Variants in SH3D19 observed in about 807,000 individuals in gnomAD.
The protein encoded by SH3D19 is SH3 domain-containing protein 19.
SH3D19 carries 58 observed loss-of-function variants against 112.1 expected under a neutral mutation model. The ratio of observed to expected loss-of-function variants is 0.52; its 90% CI spans 0.42 to 0.64. The LOEUF (loss-of-function observed/expected upper bound fraction) is 0.64. Among genes scored for constraint, SH3D19 ranks in the 30% least tolerant of loss-of-function variants. The pLI is 0.00. For synonymous variants in SH3D19, 391 were observed against 448.5 expected (o/e 0.87, Z 1.62); for missense variants, 1,090 against 1,263.4 (o/e 0.86, Z 2.08).
At chr4:151,226,288 C>T (rs1768984939) in intron 1 of SH3D19, 4 of 1,217,960 alleles carry the variant, frequency 3.3e-6, no homozygotes, top group Non-Finnish European at 4.1e-6. Flanking sequence ...TAAAAGCTTA[C>T]GGTTTGTTAA....
chr4:151,294,984 G>A (rs550451922), intron 1 of SH3D19, among the ~76,000 whole-genome samples: 9 of 152,256 alleles, frequency 5.9e-5, no homozygotes, highest in Admixed American at 3.9e-4. Context: ...AGTAAACAGC[G>A]AGTACAAAGG....
At chr4:151,322,070 A>C (rs566339971) in intron 1 of SH3D19, among the ~76,000 whole-genome samples, 6 of 152,188 alleles carry the variant, frequency 3.9e-5, no homozygotes, top group Non-Finnish European at 8.8e-5. Flanking sequence ...CAGCACATGA[A>C]ACCCAAACAA....
rs550265005 is a variant in SH3D19 at position 151,176,894 on chromosome 4, T to C, written c.298A>G (p.Thr100Ala). The C allele has an allele frequency of 5.7e-6, 7 of 1,231,964 alleles. No homozygotes were observed. Among genetic ancestry groups the C allele is most frequent in the Non-Finnish European group, 7.1e-6 (7 of 987,962 alleles). The allele number at this position is 1,231,964 out of a possible 1,614,324, so 76.3% of individuals were successfully genotyped here. A position where few individuals can be genotyped will look rare whatever the true frequency, so the allele number is the denominator to read the frequency against. Residue 100 changes from threonine (T) to alanine (A), a missense_variant, in exon 5 of 20, where the codon ACC becomes GCC. Coordinates refer to ENST00000604030, the MANE Select transcript of SH3D19 (RefSeq NM_001378122.1). Reference protein sequence around the residue: ...PLRPASWFPGTPPPGLGFPTS... With the variant: ...PLRPASWFPGAPPPGLGFPTS... ...GGAAATCCCAGTCCTGGGGGTGGGG[T>C]TCCTGGAAACCACGAGGCTGGCCTC...
At chr4:151,282,554 TAAATA>T in intron 1 of SH3D19, 2 of 828,994 alleles carry the variant, frequency 2.4e-6, no homozygotes, top group South Asian at 2.1e-5. Context: ...TATAAGTTTT[TAAATA>T]AAATATCTTT....
At chr4:151,134,029 T>C (rs1424153387) in intron 15 of SH3D19, among the ~76,000 whole-genome samples, 1 of 152,238 alleles carries the variant, frequency 6.6e-6, no homozygotes, top group Non-Finnish European at 1.5e-5. Flanking sequence ...AGGTTGATTC[T>C]AGCTTTAATA....
chr4:151,216,426 T>A lies in SH3D19; in HGVS notation c.152+9621A>T, dbSNP rs573533051. ...AAGGATAGATTGAGGGCCACAAAGA[T>A]GTATACAAACTTCACTTGACTACAG... is the stretch of plus-strand genomic sequence containing the variant. On this transcript the variant is annotated intron_variant, in intron 2 of 19. Transcript: ENST00000604030. 2.6e-5 allele frequency among the ~76,000 whole-genome samples: 4 copies of A among 152,342 alleles called. No individual in the cohort carries two copies. The South Asian group carries it at 8.3e-4, about 32-fold the overall frequency.
intron 1 of SH3D19, among the ~76,000 whole-genome samples, chr4:151,299,563 A>G (rs574663118): frequency 1.4e-5 from 2 of 145,268 alleles, no homozygotes; most frequent in Admixed American, 7.1e-5. Flanking sequence ...CTGGGCAACA[A>G]GAGCGAAACT....
Position 151,148,026 on chromosome 4 carries a change from A to G in SH3D19, c.1978T>C (p.Leu660=). ...TTGGCTTTTGAGAGTCCAGTTGCCA[A>G]GTTACTTTGTTTTTTCTGAAGATCC... The part of the protein sequence containing the change: ...DMDLQKKQSN[L]ATGLSKAKSQ... The change falls in exon 11 of 20, where the codon TTG becomes CTG. Residue 660 remains leucine, a synonymous_variant. Coordinates refer to ENST00000604030, the MANE Select transcript of SH3D19 (RefSeq NM_001378122.1). The G allele has an allele frequency of 6.2e-7, 1 of 1,614,092 alleles. No homozygotes were observed. Among genetic ancestry groups the G allele is most frequent in the Non-Finnish European group, 8.5e-7 (1 of 1,180,018 alleles).
At chr4:151,295,767 GTGGCTTACGCC>G (rs1274266459) in intron 1 of SH3D19, among the ~76,000 whole-genome samples, 2 of 152,222 alleles carry the variant, frequency 1.3e-5, no homozygotes, top group South Asian at 2.1e-4. Context: ...GCCGGGTGCA[GTGGCTTACGCC>G]TATAATCCCA....
intron 1 of SH3D19, among the ~76,000 whole-genome samples, chr4:151,323,081 T>A (rs1244092353): frequency 6.6e-6 from 1 of 152,198 alleles, no homozygotes; most frequent in Non-Finnish European, 1.5e-5. Context: ...GAGTTTTTAC[T>A]TTATAATTTA....
At chr4:151,127,354 C>T (rs1288526037) in intron 19 of SH3D19, among the ~76,000 whole-genome samples, 1 of 152,132 alleles carries the variant, frequency 6.6e-6, no homozygotes, top group Non-Finnish European at 1.5e-5. Context: ...GACCTAAGAC[C>T]AAGGAACAGG....
intron 15 of SH3D19, 100 bp from the exon 16 acceptor site, chr4:151,133,336 C>A: frequency 2.0e-6 from 2 of 991,040 alleles, no homozygotes. Flanking sequence ...TCTGGGTTTA[C>A]CATGGAATAA....
At chr4:151,232,125 AG>A (rs1385011829) in intron 1 of SH3D19, among the ~76,000 whole-genome samples, 1 of 152,226 alleles carries the variant, frequency 6.6e-6, no homozygotes, top group Non-Finnish European at 1.5e-5. Context: ...CGGAGGTTGC[AG>A]TCAGCTGAGG....
At chr4:151,202,556 C>T (rs1764542156) in intron 2 of SH3D19, among the ~76,000 whole-genome samples, 1 of 152,102 alleles carries the variant, frequency 6.6e-6, no homozygotes, top group African/African-American at 2.4e-5. Flanking sequence ...ATCTATGTCA[C>T]CATAAGAATG....
intron 2 of SH3D19, among the ~76,000 whole-genome samples, chr4:151,208,698 G>T (rs1190680485): frequency 7.6e-6 from 1 of 130,766 alleles, no homozygotes; most frequent in Non-Finnish European, 1.6e-5. Flanking sequence ...TTTTTTTTGA[G>T]ATGGAGTCTT....
chr4:151,175,355 A>G lies in SH3D19; in HGVS notation c.849T>C (p.Ile283=). 1 of 1,607,666 alleles carries G rather than the reference A, an allele frequency of 6.2e-7. No homozygotes were observed. Among genetic ancestry groups the G allele is most frequent in the Middle Eastern group, 1.7e-4 (1 of 6,020 alleles). The part of the protein sequence containing the change: ...STSDSQAVMN[I]MNTEQSQNSI... ...TATTTTGGCTTTGTTCTGTGTTCAT[A>G]ATGTTCATCACTGCCTGACTGTCTG... The change falls in exon 7 of 20, where the codon ATT becomes ATC. Residue 283 remains isoleucine (I), a synonymous_variant. Transcript: ENST00000604030.
chr4:151,184,424 T>C (rs1761417346), intron 3 of SH3D19, among the ~76,000 whole-genome samples: 1 of 152,234 alleles, frequency 6.6e-6, no homozygotes, highest in Non-Finnish European at 1.5e-5. Flanking sequence ...TATGTTATCA[T>C]GAAAGGATCT....
At chr4:151,240,104 A>C (rs1287424120) in intron 1 of SH3D19, among the ~76,000 whole-genome samples, 1 of 54,452 alleles carries the variant, frequency 1.8e-5, no homozygotes, top group East Asian at 1.2e-3. Context: ...ATCGCTACCA[A>C]AAGAAATTTT....
intron 1 of SH3D19, among the ~76,000 whole-genome samples, chr4:151,317,399 G>C (rs1174496802): frequency 6.6e-6 from 1 of 152,228 alleles, no homozygotes; most frequent in African/African-American, 2.4e-5. Flanking sequence ...GATGGGATTA[G>C]AACCAAGTGT....
Sources: gnomAD v4.1 joint callset for allele counts (sites outside exome capture counted in the v4.1 genomes callset) on GRCh38, gnomAD v4.1.1 for gene constraint, MANE v1.5 for transcripts, NCBI Gene and HGNC (gene_info 2026-07-23, HGNC 2026-07-21) for gene names.